The following NXPE2 variants were observed in gnomAD, a reference collection of about 807,000 sequenced individuals.
NXPE2 encodes NXPE family member 2.
NXPE2 carries 34 observed loss-of-function variants against 34.4 expected under a neutral mutation model. The ratio of observed to expected loss-of-function variants is 0.99; its 90% confidence interval spans 0.75 to 1.31. NXPE2 has a LOEUF of 1.31. Among genes scored for constraint, NXPE2 ranks in the 40% most tolerant of loss-of-function variants. The probability of loss-of-function intolerance (pLI) is 0.00; values close to 1 mark genes in which losing one functional copy is unlikely to be tolerated. For synonymous variants in NXPE2, 235 were observed against 231.3 expected (o/e 1.02, Z -0.15); for missense variants, 649 against 672.5 (o/e 0.97, Z 0.39).
chr11:114,745,723 C>T, the NXPE2 span, among the ~76,000 whole-genome samples: 1 of 151,584 alleles, frequency 6.6e-6, no homozygotes, highest in Non-Finnish European at 1.5e-5. Flanking sequence ...GAAGCGAAAA[C>T]TCAAAAATAA....
chr11:114,736,069 A>T, the NXPE2 span, among the ~76,000 whole-genome samples: 4 of 152,154 alleles, frequency 2.6e-5, no homozygotes, highest in Non-Finnish European at 5.9e-5. Context: ...TGGGTCAGAG[A>T]GATCACATAC....
the NXPE2 span, among the ~76,000 whole-genome samples, chr11:114,670,698 T>A: frequency 6.6e-6 from 1 of 151,784 alleles, no homozygotes; most frequent in African/African-American, 2.4e-5. Context: ...TCTCTATAAA[T>A]AAATAAATAA....
chr11:114,588,496 G>C, the NXPE2 span, among the ~76,000 whole-genome samples: 1 of 152,164 alleles, frequency 6.6e-6, no homozygotes, highest in South Asian at 2.1e-4. Flanking sequence ...GCAGGCAGGG[G>C]AGAAATTCAA....
upstream of NXPE2, among the ~76,000 whole-genome samples, chr11:114,674,090 A>AAC (rs1241145499): frequency 4.7e-3 from 624 of 131,888 alleles, 5 homozygotes; most frequent in South Asian, 6.2e-3. Context: ...ACATTGTTTA[A>AAC]AAACAAACAA....
chr11:114,682,417 C>T (rs1950964330), intron 2 of NXPE2, among the ~76,000 whole-genome samples: 1 of 152,082 alleles, frequency 6.6e-6, no homozygotes, highest in Non-Finnish European at 1.5e-5. Context: ...AGTTGAATGG[C>T]TTTAATTTCT....
chr11:114,528,688 C>T, the NXPE2 span: 3 of 465,414 alleles, frequency 6.4e-6, no homozygotes, highest in Non-Finnish European at 7.8e-6. Context: ...CTCTTACTCA[C>T]ACTTTGTTTC....
the NXPE2 span, among the ~76,000 whole-genome samples, chr11:114,610,353 A>G: frequency 6.6e-6 from 1 of 151,818 alleles, no homozygotes; most frequent in East Asian, 1.9e-4. Flanking sequence ...ATGAGTAACC[A>G]CTGTTACCCA....
chr11:114,657,050 C>G, the NXPE2 span, among the ~76,000 whole-genome samples: 2 of 152,118 alleles, frequency 1.3e-5, no homozygotes, highest in African/African-American at 4.8e-5. Context: ...GCTGAGATTG[C>G]GCCACTGCAC....
At chr11:114,764,477 C>CATT in the NXPE2 span, among the ~76,000 whole-genome samples, 1 of 150,878 alleles carries the variant, frequency 6.6e-6, no homozygotes, top group Non-Finnish European at 1.5e-5. Context: ...CCTCTACATA[C>CATT]ATTACATAAA....
At chr11:114,643,024 A>AT in the NXPE2 span, among the ~76,000 whole-genome samples, 2 of 152,052 alleles carry the variant, frequency 1.3e-5, no homozygotes, top group Non-Finnish European at 2.9e-5. Context: ...GATGATGAGC[A>AT]TTTTTTAATG....
chr11:114,524,521 T>C, the NXPE2 span, among the ~76,000 whole-genome samples: 18 of 152,316 alleles, frequency 1.2e-4, no homozygotes, highest in East Asian at 1.7e-3. Flanking sequence ...TTTGGCTTAC[T>C]AAAGGGAGTT....
chr11:114,808,401 AGGAGCT>A, the NXPE2 span, among the ~76,000 whole-genome samples: 1 of 151,530 alleles, frequency 6.6e-6, no homozygotes, highest in Non-Finnish European at 1.5e-5. Context: ...TAATGAATCC[AGGAGCT>A]GGTTTTTTGA....
the NXPE2 span, among the ~76,000 whole-genome samples, chr11:114,737,948 G>A: frequency 1.3e-5 from 2 of 152,136 alleles, no homozygotes; most frequent in Admixed American, 6.5e-5. Flanking sequence ...TTTGCCGGGC[G>A]TGGTGGTGCT....
upstream of NXPE2, among the ~76,000 whole-genome samples, chr11:114,677,695 G>T: frequency 6.6e-6 from 1 of 151,950 alleles, no homozygotes; most frequent in Non-Finnish European, 1.5e-5. Flanking sequence ...ACAAACAAAT[G>T]CTATGTGTAT....
the NXPE2 span, among the ~76,000 whole-genome samples, chr11:114,639,776 A>G: frequency 2.3e-5 from 3 of 129,020 alleles, no homozygotes; most frequent in East Asian, 4.2e-4. Context: ...ATAAAATAAT[A>G]TAAAATATAA....
At chr11:114,522,306 T>A in the NXPE2 span, 12 of 1,613,972 alleles carry the variant, frequency 7.4e-6, no homozygotes, top group Non-Finnish European at 9.3e-6. Context: ...CCAAAGGTGA[T>A]GACGATGGCT....
At chr11:114,621,348 C>T in the NXPE2 span, among the ~76,000 whole-genome samples, 32 of 152,170 alleles carry the variant, frequency 2.1e-4, no homozygotes, top group East Asian at 4.3e-3. Context: ...AGTGTTGCCT[C>T]GTTAGTAAAT....
chr11:114,591,061 C>G, the NXPE2 span, among the ~76,000 whole-genome samples: 1 of 152,132 alleles, frequency 6.6e-6, no homozygotes, highest in Non-Finnish European at 1.5e-5. Context: ...CAGGGAAACT[C>G]CCCTGGAAAA....
the NXPE2 span, among the ~76,000 whole-genome samples, chr11:114,653,350 C>T: frequency 3.3e-5 from 5 of 151,970 alleles, no homozygotes; most frequent in Non-Finnish European, 7.4e-5. Context: ...TTTTATTGTC[C>T]CTATAAGCTC....
Sources: gnomAD v4.1 joint callset for allele counts (sites outside exome capture counted in the v4.1 genomes callset) on GRCh38, gnomAD v4.1.1 for gene constraint, MANE v1.5 for transcripts, NCBI Gene and HGNC (gene_info 2026-07-23, HGNC 2026-07-21) for gene names.